Variants in FBXL17 observed in about 807,000 individuals in gnomAD.
FBXL17 encodes the protein F-box/LRR-repeat protein 17.
FBXL17 carries 22 observed loss-of-function variants against 66.2 expected under a neutral mutation model. The observed-to-expected ratio is 0.33, with a 90% CI of 0.24 to 0.47. The LOEUF (loss-of-function observed/expected upper bound fraction) is 0.47, where lower values mean the gene tolerates loss of function less well. Ranked by LOEUF, FBXL17 falls within the 20% of genes least tolerant of loss-of-function variation. FBXL17 has a pLI of 1.00. For missense variants in FBXL17, 878 were observed against 948.2 expected, an observed-to-expected ratio of 0.93 and a Z score of 0.97; for synonymous variants, 474 against 400.5, an observed-to-expected ratio of 1.18 and a Z score of -2.19.
chr5:108,350,216 A>G (rs1236711367), intron 3 of FBXL17, among the ~76,000 whole-genome samples: 3 of 152,332 alleles, frequency 2.0e-5, no homozygotes, highest in African/African-American at 7.2e-5. Context: ...AGAATTCTTG[A>G]AAGTCTGTTT....
At chr5:108,086,138 T>G (rs533336077) in intron 6 of FBXL17, among the ~76,000 whole-genome samples, 1 of 152,250 alleles carries the variant, frequency 6.6e-6, no homozygotes, top group South Asian at 2.1e-4. Flanking sequence ...GTCTCCCTTC[T>G]CCCTTGAAGA....
intron 7 of FBXL17, among the ~76,000 whole-genome samples, chr5:107,887,451 T>C (rs936060981): frequency 6.6e-6 from 1 of 152,192 alleles, no homozygotes; most frequent in Non-Finnish European, 1.5e-5. Context: ...TATGGATCTA[T>C]GTACCTGTAA....
At chr5:108,086,717 C>T (rs180874980) in intron 6 of FBXL17, among the ~76,000 whole-genome samples, 29 of 152,262 alleles carry the variant, frequency 1.9e-4, no homozygotes, top group South Asian at 8.3e-4. Flanking sequence ...TATGCCACCA[C>T]ACCCAGCTAA....
At chr5:108,173,982 T>C (rs1228927150) in intron 6 of FBXL17, among the ~76,000 whole-genome samples, 1 of 152,194 alleles carries the variant, frequency 6.6e-6, no homozygotes, top group East Asian at 1.9e-4. Context: ...TGGTTGTTAA[T>C]TTATTTTAAA....
chr5:108,007,784 A>G (rs1753996310), intron 7 of FBXL17, among the ~76,000 whole-genome samples: 1 of 152,166 alleles, frequency 6.6e-6, no homozygotes, highest in African/African-American at 2.4e-5. Flanking sequence ...CTTCATGCAA[A>G]AGACAGCATA....
intron 6 of FBXL17, among the ~76,000 whole-genome samples, chr5:108,146,831 T>C (rs539093224): frequency 3.9e-5 from 6 of 152,294 alleles, no homozygotes; most frequent in Non-Finnish European, 7.4e-5. Flanking sequence ...AAACCTTATC[T>C]AGCACAGCCA....
In FBXL17 at chr5:108,161,161, G is replaced by GATAGATACATACATACATAC. The variant is rs376656671; in HGVS notation, c.1745+24955_1745+24956insGTATGTATGTATGTATCTAT. On this transcript the variant is annotated intron_variant, in intron 6 of 8. Coordinates refer to ENST00000542267, the MANE Select transcript of FBXL17 (RefSeq NM_001163315.3). Reference sequence around the variant, plus strand: ...GTTGGGAATAATTAATCAACAAATAGATACATACATACATACATACATACA... The same window carrying GATAGATACATACATACATAC: ...GTTGGGAATAATTAATCAACAAATAGATAGATACATACATACATACATACATACATACATACATACATACA... Among the ~76,000 whole-genome samples, 602 of 149,312 alleles carry GATAGATACATACATACATAC rather than the reference G, an allele frequency of 4.0e-3. 7 individuals are homozygous for GATAGATACATACATACATAC. The highest frequency in any genetic ancestry group is 0.014 in the African/African-American group (584 of 40,290).
At chr5:108,021,328 AT>A (rs1325998237) in intron 6 of FBXL17, among the ~76,000 whole-genome samples, 1 of 149,574 alleles carries the variant, frequency 6.7e-6, no homozygotes, top group Non-Finnish European at 1.5e-5. Flanking sequence ...ATAATTTATT[AT>A]AATAGAACTG....
chr5:108,304,115 T>C (rs1421591515), intron 4 of FBXL17, among the ~76,000 whole-genome samples: 1 of 151,972 alleles, frequency 6.6e-6, no homozygotes, highest in Admixed American at 6.6e-5. Context: ...ATTACACTTT[T>C]AAATTCAAAA....
At chr5:108,033,090 G>A (rs1418294426) in intron 6 of FBXL17, among the ~76,000 whole-genome samples, 1 of 152,096 alleles carries the variant, frequency 6.6e-6, no homozygotes, top group Non-Finnish European at 1.5e-5. Flanking sequence ...CTGATATAAT[G>A]GAAAATTTCA....
intron 6 of FBXL17, among the ~76,000 whole-genome samples, chr5:108,101,452 C>T (rs929271141): frequency 1.3e-5 from 2 of 152,206 alleles, no homozygotes; most frequent in Non-Finnish European, 2.9e-5. Context: ...AAACTTAGTG[C>T]TGGGCCCAAT....
At chr5:108,181,881 T>C (rs534582476) in intron 6 of FBXL17, among the ~76,000 whole-genome samples, 1 of 152,242 alleles carries the variant, frequency 6.6e-6, no homozygotes, top group South Asian at 2.1e-4. Context: ...CTTTTTCTTG[T>C]TTAGAGTTTT....
intron 6 of FBXL17, among the ~76,000 whole-genome samples, chr5:108,089,609 T>G (rs999975920): frequency 6.6e-6 from 1 of 152,132 alleles, no homozygotes; most frequent in Non-Finnish European, 1.5e-5. Context: ...ATTCTGTATT[T>G]GTTTGTGATT....
intron 7 of FBXL17, among the ~76,000 whole-genome samples, chr5:108,020,002 T>A (rs1754527679): frequency 6.6e-6 from 1 of 151,898 alleles, no homozygotes; most frequent in Admixed American, 6.6e-5. Context: ...AAAAGATGAA[T>A]TTAGTAGCTA....
intron 7 of FBXL17, among the ~76,000 whole-genome samples, chr5:107,995,221 T>A (rs951185061): frequency 7.2e-5 from 11 of 152,224 alleles, no homozygotes; most frequent in Non-Finnish European, 1.5e-4. Flanking sequence ...TATTTCTTAA[T>A]TTTTACATAT....
Position 108,052,895 on chromosome 5 carries a change from C to T in FBXL17, c.1746-31894G>A, listed in dbSNP as rs550296316. On this transcript the variant is annotated intron_variant, in intron 6 of 8. Coordinates refer to ENST00000542267, the MANE Select transcript of FBXL17 (RefSeq NM_001163315.3). ...CAGAGACCTCAGAAATAACACCACA[C>T]ATCTGCAAACATCTGATCTTCAACA... 1.6e-4 allele frequency among the ~76,000 whole-genome samples: 25 copies of T among 152,246 alleles called. No individual in the cohort carries two copies. The South Asian group carries it at 3.5e-3, about 21-fold the overall frequency.
chr5:108,348,114 T>A (rs558079220), intron 4 of FBXL17, among the ~76,000 whole-genome samples: 2 of 152,318 alleles, frequency 1.3e-5, no homozygotes, highest in Admixed American at 6.5e-5. Flanking sequence ...GCAAACAAAT[T>A]TGATTTTTCC....
chr5:107,859,390 GTTTTTTTTTTTT>G lies in FBXL17; in HGVS notation c.*2318_*2329del, dbSNP rs549840338. Reference sequence around the variant, plus strand: ...CTCAAGGTGATGCTTTTTTCTGGCTGTTTTTTTTTTTTTTTTTTTTTTTTTTTGAGATTAATG... The same window carrying G: ...CTCAAGGTGATGCTTTTTTCTGGCTGTTTTTTTTTTTTTTTGAGATTAATG... On this transcript the variant is annotated 3_prime_UTR_variant, in exon 9 of 9. Transcript: ENST00000542267. 9 of 60,184 alleles carry G rather than the reference GTTTTTTTTTTTT, an allele frequency of 1.5e-4. No homozygotes were observed. The highest frequency in any genetic ancestry group is 8.9e-4 in the South Asian group (1 of 1,128). 3.7% of individuals were successfully genotyped at this position (60,184 alleles called of 1,614,324 possible). A position where few individuals can be genotyped will look rare whatever the true frequency, so the allele number is the denominator to read the frequency against.
At chr5:108,309,262 T>C (rs1759000569) in intron 4 of FBXL17, among the ~76,000 whole-genome samples, 1 of 152,024 alleles carries the variant, frequency 6.6e-6, no homozygotes, top group African/African-American at 2.4e-5. Context: ...CCATTTTTAA[T>C]ATTAAAATAC....
Sources: gnomAD v4.1 joint callset for allele counts (sites outside exome capture counted in the v4.1 genomes callset) on GRCh38, gnomAD v4.1.1 for gene constraint, MANE v1.5 for transcripts, NCBI Gene and HGNC (gene_info 2026-07-23, HGNC 2026-07-21) for gene names.